The following UST variants were observed in gnomAD, a reference collection of about 807,000 sequenced individuals.
UST encodes the protein chondroitin sulfate 2-O-sulfotransferase.
UST carries 21 observed loss-of-function variants against 45.6 expected under a neutral mutation model. The observed-to-expected ratio is 0.46, with a 90% confidence interval of 0.33 to 0.66. UST has a LOEUF of 0.66. Among genes scored for constraint, UST ranks in the 30% least tolerant of loss-of-function variants. The pLI, the probability that UST is intolerant of heterozygous loss-of-function variation, is 0.02. For missense variants in UST, 463 were observed against 512.4 expected (o/e 0.90, Z 0.93); for synonymous variants, 215 against 200.6 (o/e 1.07, Z -0.61).
chr6:148,882,378 C>T (rs948924519), intron 1 of UST, among the ~76,000 whole-genome samples: 22 of 148,564 alleles, frequency 1.5e-4, no homozygotes, highest in African/African-American at 4.0e-4. Context: ...CCCAGCTACT[C>T]GGGAGGCTGA....
intron 1 of UST, among the ~76,000 whole-genome samples, chr6:148,830,673 CAAGA>C (rs1354664526): frequency 3.3e-5 from 5 of 152,172 alleles, no homozygotes; most frequent in African/African-American, 1.2e-4. Flanking sequence ...ATTCTACCAT[CAAGA>C]AATTACGCTA....
chr6:148,978,513 TC>T (rs1781067513), intron 5 of UST, among the ~76,000 whole-genome samples: 1 of 152,194 alleles, frequency 6.6e-6, no homozygotes, highest in Non-Finnish European at 1.5e-5. Context: ...TGAGTTCATG[TC>T]CTTTGCAGGG....
chr6:148,878,440 G>A (rs1223004746), intron 1 of UST, among the ~76,000 whole-genome samples: 1 of 117,886 alleles, frequency 8.5e-6, no homozygotes, highest in African/African-American at 3.3e-5. Flanking sequence ...GAGTGTGGGG[G>A]ATCGTGTATG....
At chr6:148,994,557 A>T (rs1313077606) in intron 5 of UST, among the ~76,000 whole-genome samples, 2 of 152,180 alleles carry the variant, frequency 1.3e-5, no homozygotes, top group Non-Finnish European at 1.5e-5. Flanking sequence ...TAAGGAGGTC[A>T]GTTGGTCACT....
chr6:149,053,853 C>T (rs144441545), intron 7 of UST, among the ~76,000 whole-genome samples: 2 of 152,352 alleles, frequency 1.3e-5, no homozygotes, highest in Non-Finnish European at 2.9e-5. Context: ...GGGCTCATAT[C>T]TAGTGCCTTT....
At chr6:148,985,436 G>A (rs977894356) in intron 5 of UST, among the ~76,000 whole-genome samples, 2 of 152,154 alleles carry the variant, frequency 1.3e-5, no homozygotes, top group African/African-American at 4.8e-5. Context: ...CCCAGGAAGA[G>A]TACAATATAG....
At chr6:148,875,122 T>C (rs1582869086) in intron 1 of UST, among the ~76,000 whole-genome samples, 1 of 152,264 alleles carries the variant, frequency 6.6e-6, no homozygotes, top group South Asian at 2.1e-4. Flanking sequence ...TGCTTGTGTT[T>C]GATCAAAACT....
intron 1 of UST, among the ~76,000 whole-genome samples, chr6:148,886,726 C>G (rs540337278): frequency 6.6e-6 from 1 of 152,016 alleles, no homozygotes; most frequent in Non-Finnish European, 1.5e-5. Context: ...AATAATGGTG[C>G]GTGTTACTGT....
At chr6:148,799,609 A>G (rs906417395) in intron 1 of UST, among the ~76,000 whole-genome samples, 2 of 152,014 alleles carry the variant, frequency 1.3e-5, no homozygotes, top group Non-Finnish European at 2.9e-5. Context: ...TTTTATCTGC[A>G]CTTAGGTCCC....
chr6:148,774,087 T>C (rs1342711289), intron 1 of UST, among the ~76,000 whole-genome samples: 2 of 152,158 alleles, frequency 1.3e-5, no homozygotes, highest in African/African-American at 4.8e-5. Context: ...GCAAACCCTT[T>C]TGCAGGTCAC....
chr6:148,747,301 C>T lies in UST; in HGVS notation c.-130C>T, dbSNP rs1775883762. On this transcript the variant is annotated 5_prime_UTR_variant, in exon 1 of 8. Transcript: ENST00000367463. ...CTGAGCCCGGCAACTTCGGCCCCTC[C>T]CCGCCCCCACCCGGCTGCCCTCCGC... 1.7e-6 allele frequency: 2 copies of T among 1,183,092 alleles called. No homozygotes were observed. The highest frequency in any genetic ancestry group is 2.2e-6 in the Non-Finnish European group (2 of 918,682). 73.3% of individuals were successfully genotyped at this position (1,183,092 alleles called of 1,614,324 possible). A position where few individuals can be genotyped will look rare whatever the true frequency, so the allele number is the denominator to read the frequency against.
intron 7 of UST, among the ~76,000 whole-genome samples, chr6:149,043,926 C>T (rs1243589106): frequency 1.3e-5 from 2 of 152,234 alleles, no homozygotes; most frequent in Non-Finnish European, 2.9e-5. Context: ...TCACAAAAGA[C>T]CACACAACTC....
intron 5 of UST, among the ~76,000 whole-genome samples, chr6:149,018,448 A>G (rs1295019987): frequency 6.6e-6 from 1 of 152,166 alleles, no homozygotes; most frequent in Non-Finnish European, 1.5e-5. Context: ...AGAATCTCTA[A>G]TATGATCTAC....
At position 148,797,548 on chromosome 6, in the gene UST, A is replaced by G. The variant is rs570049590; in HGVS notation, c.247+49871A>G. Reference sequence around the variant, plus strand: ...GCATTGGGAATACAAAGCCTTAATGATTTTAAGCACCTGTTCTGAAGGGAA... The same window carrying G: ...GCATTGGGAATACAAAGCCTTAATGGTTTTAAGCACCTGTTCTGAAGGGAA... On this transcript the variant is annotated intron_variant, in intron 1 of 7. Coordinates refer to ENST00000367463, the MANE Select transcript of UST (RefSeq NM_005715.3). Among the ~76,000 whole-genome samples, 8 of 152,310 alleles carry G rather than the reference A, an allele frequency of 5.3e-5. No homozygotes were observed. In the South Asian group the frequency reaches 1.7e-3, roughly 32 times the overall value.
intron 1 of UST, among the ~76,000 whole-genome samples, chr6:148,750,659 A>G (rs1775972455): frequency 6.6e-6 from 1 of 152,232 alleles, no homozygotes; most frequent in Non-Finnish European, 1.5e-5. Context: ...AAAACGATCC[A>G]TCACATTTAC....
intron 5 of UST, chr6:149,005,610 T>C (rs1775670737): frequency 1.0e-6 from 1 of 985,220 alleles, no homozygotes; most frequent in Non-Finnish European, 1.2e-6. Context: ...TTCCTTCTTC[T>C]CTCCCTCCCT....
At chr6:148,980,947 A>C (rs1781121452) in intron 5 of UST, among the ~76,000 whole-genome samples, 1 of 151,526 alleles carries the variant, frequency 6.6e-6, no homozygotes, top group Non-Finnish European at 1.5e-5. Flanking sequence ...CTGGTCTCAA[A>C]CTCCTAAGCT....
intron 1 of UST, among the ~76,000 whole-genome samples, chr6:148,806,802 A>G (rs942404658): frequency 6.6e-6 from 1 of 152,150 alleles, no homozygotes; most frequent in Admixed American, 6.5e-5. Flanking sequence ...CATGGCGAGG[A>G]TGCAAGTGCA....
intron 3 of UST, among the ~76,000 whole-genome samples, chr6:148,948,539 C>T (rs996413300): frequency 4.6e-5 from 7 of 152,128 alleles, no homozygotes; most frequent in African/African-American, 1.4e-4. Flanking sequence ...AGGTATCTTT[C>T]ATTACATAGT....
Sources: allele counts gnomAD v4.1 joint callset (sites outside exome capture counted in the v4.1 genomes callset), GRCh38; gene constraint gnomAD v4.1.1; transcripts MANE v1.5; gene names NCBI Gene and HGNC (gene_info 2026-07-23, HGNC 2026-07-21).